The following PHACTR3 variants were observed in gnomAD, a reference collection of about 807,000 sequenced individuals.
PHACTR3 encodes the protein phosphatase and actin regulator 3.
PHACTR3 carries 16 observed loss-of-function variants against 66.8 expected under a neutral mutation model. That is an observed-to-expected ratio of 0.24 (90% CI 0.16 to 0.36). The LOEUF (loss-of-function observed/expected upper bound fraction) is 0.36, where lower values mean the gene tolerates loss of function less well. Ranked by LOEUF, PHACTR3 falls within the 10% of genes least tolerant of loss-of-function variation. The pLI is 1.00. For missense variants in PHACTR3, 647 were observed against 719.9 expected (o/e 0.90, Z 1.16); for synonymous variants, 323 against 292.1 (o/e 1.11, Z -1.08).
intron 1 of PHACTR3, among the ~76,000 whole-genome samples, chr20:59,620,473 T>G (rs2034190164): frequency 6.6e-6 from 1 of 152,268 alleles, no homozygotes; most frequent in South Asian, 2.1e-4. Flanking sequence ...GAACAGTTCC[T>G]TAGTGTCTTC....
chr20:59,582,137 T>C (rs1334758439), intron 1 of PHACTR3, among the ~76,000 whole-genome samples: 1 of 152,202 alleles, frequency 6.6e-6, no homozygotes, highest in Non-Finnish European at 1.5e-5. Flanking sequence ...CCTTTCGCCC[T>C]TCCCCAGGGA....
At chr20:59,805,401 T>C (rs1568838968) in intron 7 of PHACTR3, among the ~76,000 whole-genome samples, 1 of 152,158 alleles carries the variant, frequency 6.6e-6, no homozygotes, top group Non-Finnish European at 1.5e-5. Context: ...ACTTAAAGTC[T>C]CTGCAGGAGA....
chr20:59,669,062 T>C (rs1166676146), intron 1 of PHACTR3, among the ~76,000 whole-genome samples: 2 of 152,096 alleles, frequency 1.3e-5, no homozygotes, highest in Non-Finnish European at 2.9e-5. Context: ...GCCTAAGTTT[T>C]AGTATAAGAC....
intron 1 of PHACTR3, among the ~76,000 whole-genome samples, chr20:59,641,766 A>G (rs142024382): frequency 1.7e-4 from 26 of 152,368 alleles, no homozygotes; most frequent in African/African-American, 6.3e-4. Context: ...ATAATATATA[A>G]TTATCCTGTT....
chr20:59,790,204 C>T (rs537239591), intron 7 of PHACTR3, among the ~76,000 whole-genome samples: 4 of 152,160 alleles, frequency 2.6e-5, no homozygotes, highest in African/African-American at 9.6e-5. Context: ...GTTTGTTGTA[C>T]AGATTATTTC....
At chr20:59,599,196 G>A (rs1314756613) in intron 1 of PHACTR3, among the ~76,000 whole-genome samples, 1 of 152,242 alleles carries the variant, frequency 6.6e-6, no homozygotes. Flanking sequence ...GCAGTTGCCT[G>A]GCTAGGCTCC....
chr20:59,834,674 T>G (rs1026656252), intron 8 of PHACTR3, among the ~76,000 whole-genome samples: 2 of 152,208 alleles, frequency 1.3e-5, no homozygotes, highest in Non-Finnish European at 2.9e-5. Flanking sequence ...CACACTGGTT[T>G]CTTCTCTTCA....
intron 1 of PHACTR3, among the ~76,000 whole-genome samples, chr20:59,661,269 T>C (rs2035794745): frequency 6.6e-6 from 1 of 151,696 alleles, no homozygotes; most frequent in Non-Finnish European, 1.5e-5. Context: ...CCGTTAGGAG[T>C]GTGGAGCAGG....
chr20:59,674,710 C>G (rs2036362075), intron 1 of PHACTR3, among the ~76,000 whole-genome samples: 1 of 71,620 alleles, frequency 1.4e-5, no homozygotes. Context: ...CTCCTGTCCC[C>G]CCTTCTCCTG....
chr20:59,841,104 G>A (rs2145514333), intron 10 of PHACTR3, among the ~76,000 whole-genome samples: 1 of 152,256 alleles, frequency 6.6e-6, no homozygotes, highest in Non-Finnish European at 1.5e-5. Context: ...AGCCAGTGAT[G>A]CCATAAAATC....
Position 59,830,493 on chromosome 20 carries a change from A to T in PHACTR3, c.1329-6012A>T, listed in dbSNP as rs182483784. ...TGGAGGTGTGAATGAGCAGATGTTGAAAGAGGGTGTGAGCATCCGTCTGAT... is the reference window on the plus strand; with the variant it reads ...TGGAGGTGTGAATGAGCAGATGTTGTAAGAGGGTGTGAGCATCCGTCTGAT... On this transcript the variant is annotated intron_variant, in intron 8 of 12. Coordinates refer to ENST00000371015, the MANE Select transcript of PHACTR3 (RefSeq NM_080672.5). The surrounding 1 kb of genome is among the most constrained non-coding windows in gnomAD (Gnocchi z 5.8). Among the ~76,000 whole-genome samples, 2 of 152,038 alleles carry T rather than the reference A, an allele frequency of 1.3e-5. No homozygotes were observed. Among genetic ancestry groups the T allele is most frequent in the Admixed American group, 6.5e-5 (1 of 15,280 alleles).
rs143785253 is a variant in PHACTR3, at chr20:59,722,125, G to A, written c.119-20982G>A. Among the ~76,000 whole-genome samples, 374 of 152,206 alleles carry A rather than the reference G, an allele frequency of 2.5e-3. 3 individuals carry two copies. Among genetic ancestry groups the A allele is most frequent in the East Asian group, 0.011 (55 of 5,176 alleles). On this transcript the variant is annotated intron_variant, in intron 1 of 12. Coordinates refer to ENST00000371015, the MANE Select transcript of PHACTR3 (RefSeq NM_080672.5). The stretch of plus-strand genomic sequence containing the variant: ...CGGGCACCTGTGGTCCCAGCTACTC[G>A]GGAGGCTGAGGCAGGAGAATGGTGT...
chr20:59,601,160 G>T (rs954089922), upstream of PHACTR3, among the ~76,000 whole-genome samples: 2 of 152,080 alleles, frequency 1.3e-5, no homozygotes, highest in Admixed American at 6.5e-5. Context: ...CCCATCCTCG[G>T]CGTCCACAGA....
At chr20:59,590,362 G>A (rs1360243156) in intron 1 of PHACTR3, among the ~76,000 whole-genome samples, 1 of 152,156 alleles carries the variant, frequency 6.6e-6, no homozygotes, top group Non-Finnish European at 1.5e-5. Context: ...CTCTGGAGTA[G>A]ATGACAAGAA....
intron 1 of PHACTR3, among the ~76,000 whole-genome samples, chr20:59,654,990 G>A (rs772059888): frequency 1.3e-5 from 2 of 152,034 alleles, no homozygotes; most frequent in Non-Finnish European, 2.9e-5. Flanking sequence ...TTGCATATTT[G>A]TGTTTTTTCC....
At chr20:59,808,788 G>A (rs544662106) in intron 8 of PHACTR3, among the ~76,000 whole-genome samples, 1 of 152,318 alleles carries the variant, frequency 6.6e-6, no homozygotes, top group East Asian at 1.9e-4. Flanking sequence ...TGGGCTGCAG[G>A]CCACACTTTG....
chr20:59,694,842 G>C (rs1276257430), intron 1 of PHACTR3, among the ~76,000 whole-genome samples: 11 of 152,144 alleles, frequency 7.2e-5, no homozygotes, highest in African/African-American at 2.2e-4. Context: ...GTGGGTCCAA[G>C]GAGATAGTGC....
At chr20:59,832,415 C>T (rs2042409885) in intron 8 of PHACTR3, among the ~76,000 whole-genome samples, 1 of 152,172 alleles carries the variant, frequency 6.6e-6, no homozygotes, top group African/African-American at 2.4e-5. Flanking sequence ...TGTTTTTGCT[C>T]TGTGGCCAAC....
chr20:59,705,504 TTTATC>T (rs1425385494), intron 1 of PHACTR3, among the ~76,000 whole-genome samples: 6 of 152,206 alleles, frequency 3.9e-5, no homozygotes, highest in Admixed American at 3.9e-4. Flanking sequence ...TCTCTTAGTA[TTTATC>T]TTATTACTTA....
Sources: allele counts gnomAD v4.1 joint callset (sites outside exome capture counted in the v4.1 genomes callset), GRCh38; gene constraint gnomAD v4.1.1; non-coding constraint Gnocchi (gnomAD v3.1); transcripts MANE v1.5; gene names NCBI Gene and HGNC (gene_info 2026-07-23, HGNC 2026-07-21).